The following NOX4 variants were observed in gnomAD, a reference collection of about 807,000 sequenced individuals.
The protein encoded by NOX4 is NADPH oxidase 4.
A neutral mutation model predicts 87.6 loss-of-function variants in NOX4; 69 were observed. The observed-to-expected ratio is 0.79, with a 90% CI of 0.65 to 0.96. NOX4 has a LOEUF of 0.96. Ranked by LOEUF, NOX4 falls within the 40% of genes least tolerant of loss-of-function variation. The pLI is 0.00. For missense variants in NOX4, 680 were observed against 681.5 expected, an observed-to-expected ratio of 1.00 and a Z score of 0.02; for synonymous variants, 275 against 238.2, an observed-to-expected ratio of 1.15 and a Z score of -1.42.
At chr11:89,522,010 TAGAA>T in the NOX4 span, among the ~76,000 whole-genome samples, 18,548 of 151,922 alleles carry the variant, frequency 0.12, 1,425 homozygotes, top group Admixed American at 0.23. Flanking sequence ...TGGTTACTGT[TAGAA>T]AGAAAAAACA....
At chr11:89,478,441 C>G (rs1946255372) in intron 2 of NOX4, among the ~76,000 whole-genome samples, 1 of 152,102 alleles carries the variant, frequency 6.6e-6, no homozygotes, top group Non-Finnish European at 1.5e-5. Flanking sequence ...TCCACAAAAT[C>G]CATGTTCTTT....
chr11:89,409,761 A>G (rs1214941203), intron 8 of NOX4, among the ~76,000 whole-genome samples: 1 of 152,170 alleles, frequency 6.6e-6, no homozygotes, highest in Non-Finnish European at 1.5e-5. Flanking sequence ...TATCTTAAAG[A>G]TCATAGTTAT....
chr11:89,501,100 A>AT (rs1483893946), upstream of NOX4, among the ~76,000 whole-genome samples: 1 of 151,924 alleles, frequency 6.6e-6, no homozygotes, highest in African/African-American at 2.4e-5. Flanking sequence ...TTAATGTCGT[A>AT]TTTTTGGTAT....
intron 12 of NOX4, among the ~76,000 whole-genome samples, chr11:89,357,351 C>T (rs1200306955): frequency 6.6e-6 from 1 of 152,046 alleles, no homozygotes; most frequent in Non-Finnish European, 1.5e-5. Flanking sequence ...TCGAATTATA[C>T]TCTTTTAGTT....
intron 2 of NOX4, among the ~76,000 whole-genome samples, chr11:89,479,224 G>A (rs72967140): frequency 0.016 from 2,386 of 152,126 alleles, 27 homozygotes; most frequent in Non-Finnish European, 0.026. Context: ...GGAAAAGCAC[G>A]TAAAGGAAGA....
intron 12 of NOX4, among the ~76,000 whole-genome samples, chr11:89,363,955 A>C (rs1448448069): frequency 6.6e-6 from 1 of 152,048 alleles, no homozygotes; most frequent in Non-Finnish European, 1.5e-5. Flanking sequence ...CAGGAAATCA[A>C]GTTGCAACTT....
chr11:89,587,098 C>A, the NOX4 span, among the ~76,000 whole-genome samples: 1 of 151,982 alleles, frequency 6.6e-6, no homozygotes, highest in Non-Finnish European at 1.5e-5. Flanking sequence ...AAAAAATAAT[C>A]AGAATTGTTG....
Position 89,400,800 on chromosome 11 carries a change from G to T in NOX4, c.847-421C>A, listed in dbSNP as rs182260115. On this transcript the variant is annotated intron_variant, in intron 9 of 17. Coordinates refer to ENST00000263317, the MANE Select transcript of NOX4 (RefSeq NM_016931.5). ...ATGTTTATTAAATAAGAAAACCCTA[G>T]ATTTTTAATGTACATAATGTATATG... is the stretch of plus-strand genomic sequence containing the variant. Among the ~76,000 whole-genome samples, 125 of 151,044 alleles carry T rather than the reference G, an allele frequency of 8.3e-4. 1 individual carries two copies. Among genetic ancestry groups the T allele is most frequent in the South Asian group, 3.1e-3 (15 of 4,786 alleles).
At chr11:89,491,114 C>T in intron 1 of NOX4, 76 bp downstream of exon 1, 2 of 1,388,096 alleles carry the variant, frequency 1.4e-6, no homozygotes, top group Non-Finnish European at 2.0e-6. Flanking sequence ...GCTTCCCACC[C>T]GTGCACGCTC....
chr11:89,510,599 T>C, the NOX4 span, among the ~76,000 whole-genome samples: 1 of 152,100 alleles, frequency 6.6e-6, no homozygotes, highest in Non-Finnish European at 1.5e-5. Flanking sequence ...AGACACTCTA[T>C]ACTTGAGTGT....
At chr11:89,405,080 T>TTGTGTG (rs71472257) in intron 8 of NOX4, among the ~76,000 whole-genome samples, 8,808 of 133,240 alleles carry the variant, frequency 0.066, 339 homozygotes, top group Non-Finnish European at 0.082. Flanking sequence ...AAAAGTCAGA[T>TTGTGTG]TGTGTGTGTG....
At chr11:89,554,356 G>A in the NOX4 span, among the ~76,000 whole-genome samples, 3 of 151,728 alleles carry the variant, frequency 2.0e-5, no homozygotes, top group East Asian at 5.8e-4. Context: ...TTCCATCCTA[G>A]CTCTATCAAA....
the NOX4 span, among the ~76,000 whole-genome samples, chr11:89,562,473 A>C: frequency 6.6e-6 from 1 of 152,094 alleles, no homozygotes; most frequent in South Asian, 2.1e-4. Context: ...GATATAAGTA[A>C]CCTGCCCGTA....
rs1436746152 is a variant in NOX4 at position 89,466,415 on chromosome 11, T to C, written c.154-14520A>G. Among the ~76,000 whole-genome samples the C allele has an allele frequency of 2.0e-5, 3 of 152,332 alleles. No individual in the cohort carries two copies. In the East Asian group the frequency reaches 5.8e-4, roughly 29 times the overall value. ...TAAAACAAATATAACATAATAATCC[T>C]AGCTGTTAGGGCTTTTGTGAAAAGT... On this transcript the variant is annotated intron_variant, in intron 2 of 17. Coordinates refer to ENST00000263317, the MANE Select transcript of NOX4 (RefSeq NM_016931.5).
At chr11:89,524,072 TG>T in the NOX4 span, among the ~76,000 whole-genome samples, 8 of 152,164 alleles carry the variant, frequency 5.3e-5, no homozygotes, top group African/African-American at 1.9e-4. Flanking sequence ...TTGTTAGCTG[TG>T]GTGGTTTATG....
At chr11:89,451,922 A>G in intron 2 of NOX4, 27 bp from the exon 3 acceptor site, 2 of 1,442,532 alleles carry the variant, frequency 1.4e-6, no homozygotes, top group Non-Finnish European at 9.8e-7. Flanking sequence ...AGGTCAGCAC[A>G]CAGTTAAGGA....
At chr11:89,407,605 C>G (rs1415856207) in intron 8 of NOX4, among the ~76,000 whole-genome samples, 1 of 151,950 alleles carries the variant, frequency 6.6e-6, no homozygotes, top group African/African-American at 2.4e-5. Flanking sequence ...TTGTTTCCCT[C>G]AAGAGGCATT....
At chr11:89,450,398 G>GC (rs1944905279) in intron 3 of NOX4, among the ~76,000 whole-genome samples, 1 of 152,086 alleles carries the variant, frequency 6.6e-6, no homozygotes, top group African/African-American at 2.4e-5. Flanking sequence ...ATCCAGCGGT[G>GC]CTTTGCTTAG....
At chr11:89,448,504 C>T (rs1319507218) in intron 4 of NOX4, among the ~76,000 whole-genome samples, 3 of 152,126 alleles carry the variant, frequency 2.0e-5, no homozygotes, top group African/African-American at 7.2e-5. Context: ...GGTTTTTCTA[C>T]CAAATATTAA....
Sources: gnomAD v4.1 joint callset for allele counts (sites outside exome capture counted in the v4.1 genomes callset) on GRCh38, gnomAD v4.1.1 for gene constraint, MANE v1.5 for transcripts, NCBI Gene and HGNC (gene_info 2026-07-23, HGNC 2026-07-21) for gene names.